MACROD2: variants seen among roughly 807,000 people sequenced by gnomAD.
The protein encoded by MACROD2 is mono-ADP ribosylhydrolase 2.
In MACROD2, 36 loss-of-function variants were observed where a neutral mutation model predicts 70.4. The observed-to-expected ratio is 0.51, with a 90% CI of 0.39 to 0.68. The LOEUF (loss-of-function observed/expected upper bound fraction) is 0.68. MACROD2 is among the 30% of genes least tolerant of loss of function. The probability of loss-of-function intolerance (pLI) is 0.00; values close to 1 mark genes in which losing one functional copy is unlikely to be tolerated. For missense variants in MACROD2, 496 were observed against 538.4 expected (o/e 0.92, Z 0.78); for synonymous variants, 172 against 178.8 (o/e 0.96, Z 0.30).
At chr20:15,732,398 T>G (rs146455713) in intron 8 of MACROD2, among the ~76,000 whole-genome samples, 1 of 152,132 alleles carries the variant, frequency 6.6e-6, no homozygotes, top group African/African-American at 2.4e-5. Context: ...AATGGAGCAA[T>G]GGACATGGCA....
chr20:15,664,661 G>A (rs1337609552), intron 8 of MACROD2, among the ~76,000 whole-genome samples: 2 of 152,090 alleles, frequency 1.3e-5, no homozygotes, highest in African/African-American at 4.8e-5. Flanking sequence ...TCATATGCTT[G>A]GTCTGGAACC....
chr20:16,032,811 G>T (rs887362362), intron 15 of MACROD2, among the ~76,000 whole-genome samples: 6 of 149,616 alleles, frequency 4.0e-5, no homozygotes, highest in African/African-American at 1.5e-4. Context: ...AGGGAGGGAA[G>T]GGGAGGAAAA....
intron 15 of MACROD2, among the ~76,000 whole-genome samples, chr20:16,018,581 C>A (rs2066961230): frequency 6.6e-6 from 1 of 152,162 alleles, no homozygotes; most frequent in South Asian, 2.1e-4. Flanking sequence ...TTATCTTTAA[C>A]CGGATATATG....
chr20:15,240,288 A>G (rs1450343585), intron 6 of MACROD2, among the ~76,000 whole-genome samples: 3 of 152,224 alleles, frequency 2.0e-5, no homozygotes, highest in Non-Finnish European at 4.4e-5. Context: ...ATATCTCAAA[A>G]TCTGCTCGCT....
rs139527437 is a variant in MACROD2 at position 14,740,833 on chromosome 20, T to C, written c.418+55874T>C. ...CTTGTTACTGAAGTGGGCCCTCTTT[T>C]GAGAGTTTTCTGCCATCTTGGCCCT... On this transcript the variant is annotated intron_variant, in intron 5 of 17. Coordinates refer to ENST00000684519, the MANE Select transcript of MACROD2 (RefSeq NM_001351661.2). 2.0e-3 allele frequency among the ~76,000 whole-genome samples: 301 copies of C among 152,290 alleles called. 1 individual carries two copies. Among genetic ancestry groups the C allele is most frequent in the African/African-American group, 6.9e-3 (288 of 41,564 alleles).
At chr20:14,108,978 C>T (rs1357300328) in intron 3 of MACROD2, among the ~76,000 whole-genome samples, 1 of 152,034 alleles carries the variant, frequency 6.6e-6, no homozygotes, top group Non-Finnish European at 1.5e-5. Context: ...TTTTCCTCAG[C>T]ACGTGGATCA....
chr20:15,728,659 C>T (rs1005114705), intron 8 of MACROD2, among the ~76,000 whole-genome samples: 9 of 152,094 alleles, frequency 5.9e-5, no homozygotes, highest in Non-Finnish European at 1.0e-4. Flanking sequence ...TTATCCATTT[C>T]TTCTAGGTTT....
At chr20:15,107,297 A>G (rs1419226077) in intron 5 of MACROD2, among the ~76,000 whole-genome samples, 2 of 152,082 alleles carry the variant, frequency 1.3e-5, no homozygotes, top group African/African-American at 2.4e-5. Flanking sequence ...ACAAAAATAT[A>G]TAATTCTATT....
chr20:14,608,107 T>G (rs1982921491), intron 4 of MACROD2, among the ~76,000 whole-genome samples: 1 of 151,588 alleles, frequency 6.6e-6, no homozygotes, highest in Non-Finnish European at 1.5e-5. Context: ...ACAAAAAAAA[T>G]TAGCTGGGTA....
At chr20:15,567,790 C>A (rs911895697) in intron 8 of MACROD2, among the ~76,000 whole-genome samples, 18 of 152,168 alleles carry the variant, frequency 1.2e-4, no homozygotes, top group Non-Finnish European at 5.9e-5. Flanking sequence ...ACTTGGCCTG[C>A]TTAAAGAGGG....
chr20:15,635,706 C>T (rs1568942870), intron 8 of MACROD2, among the ~76,000 whole-genome samples: 1 of 152,140 alleles, frequency 6.6e-6, no homozygotes, highest in Non-Finnish European at 1.5e-5. Context: ...ATGTAACAAA[C>T]CTGTGCCTGT....
chr20:14,362,771 T>C (rs1227797636), intron 3 of MACROD2, among the ~76,000 whole-genome samples: 1 of 152,128 alleles, frequency 6.6e-6, no homozygotes, highest in African/African-American at 2.4e-5. Context: ...AAACCAGATG[T>C]TGAAATCTCT....
intron 4 of MACROD2, among the ~76,000 whole-genome samples, chr20:14,655,070 A>C (rs146298413): frequency 6.6e-6 from 1 of 152,074 alleles, no homozygotes; most frequent in Non-Finnish European, 1.5e-5. Context: ...TTCTCTGACT[A>C]TAGTTGCCCT....
chr20:14,160,888 G>A (rs1399756096), intron 3 of MACROD2, among the ~76,000 whole-genome samples: 2 of 151,940 alleles, frequency 1.3e-5, no homozygotes, highest in Non-Finnish European at 2.9e-5. Flanking sequence ...GGTTTCTTAT[G>A]TGGATATATT....
intron 4 of MACROD2, among the ~76,000 whole-genome samples, chr20:14,511,401 A>G (rs2085028469): frequency 6.6e-6 from 1 of 152,070 alleles, no homozygotes; most frequent in Non-Finnish European, 1.5e-5. Flanking sequence ...ATATACACCT[A>G]CTAAGTACCC....
intron 5 of MACROD2, among the ~76,000 whole-genome samples, chr20:15,125,772 C>G (rs565038500): frequency 1.3e-5 from 2 of 151,900 alleles, no homozygotes; most frequent in Non-Finnish European, 2.9e-5. Context: ...GGTTATGAAA[C>G]TGTTACCACT....
intron 15 of MACROD2, among the ~76,000 whole-genome samples, chr20:16,023,654 G>A (rs1346876260): frequency 6.6e-6 from 1 of 152,036 alleles, no homozygotes; most frequent in East Asian, 1.9e-4. Context: ...ATCATGAGCA[G>A]ACTGTCATTG....
chr20:15,474,283 C>T (rs1364846477), intron 7 of MACROD2, among the ~76,000 whole-genome samples: 2 of 152,076 alleles, frequency 1.3e-5, no homozygotes, highest in Non-Finnish European at 2.9e-5. Flanking sequence ...ATTCATTCTA[C>T]GTTTGTGGAT....
chr20:14,849,401 G>A (rs764718467), intron 5 of MACROD2, among the ~76,000 whole-genome samples: 7 of 152,072 alleles, frequency 4.6e-5, no homozygotes, highest in African/African-American at 7.2e-5. Context: ...TTGATGTTGC[G>A]ACTCTAACTT....
Sources: allele counts gnomAD v4.1 joint callset (sites outside exome capture counted in the v4.1 genomes callset), GRCh38; gene constraint gnomAD v4.1.1; transcripts MANE v1.5; gene names NCBI Gene and HGNC (gene_info 2026-07-23, HGNC 2026-07-21).